MCM7: variants seen among roughly 807,000 people sequenced by gnomAD.
The protein encoded by MCM7 is DNA replication licensing factor MCM7.
MCM7 carries 95 observed loss-of-function variants against 83.5 expected under a neutral mutation model. The ratio of observed to expected loss-of-function variants is 1.14; its 90% CI spans 0.96 to 1.35. MCM7 has a LOEUF of 1.35. Ranked by LOEUF, MCM7 falls within the 40% of genes most tolerant of loss-of-function variation. MCM7 has a pLI of 0.00. For synonymous variants in MCM7, 461 were observed against 352.7 expected (o/e 1.31, Z -3.44); for missense variants, 1,087 against 957.4 (o/e 1.14, Z -1.79).
chr7:100,094,303 A>G lies in MCM7; in HGVS notation c.1718T>C (p.Val573Ala). Residue 573 changes from valine (V) to alanine (A), a missense_variant, in exon 13 of 15, where the codon GTG becomes GCG. Coordinates refer to ENST00000303887, the MANE Select transcript of MCM7 (RefSeq NM_005916.5). Reference protein sequence around the residue: ...IAMCREKQPMVPESLADYITA... With the variant: ...IAMCREKQPMAPESLADYITA... Reference sequence around the variant, plus strand: ...GATGTAGTCAGCCAGAGACTCTGGCACCATGGGCTGCTTCTCGCGGCACAT... The same window carrying G: ...GATGTAGTCAGCCAGAGACTCTGGCGCCATGGGCTGCTTCTCGCGGCACAT... 1 of 1,614,184 alleles carries G rather than the reference A, an allele frequency of 6.2e-7. No individual in the cohort carries two copies. Among genetic ancestry groups the G allele is most frequent in the Non-Finnish European group, 8.5e-7 (1 of 1,180,028 alleles).
intron 13 of MCM7, chr7:100,093,744 G>A (rs756624677): frequency 9.5e-6 from 6 of 630,772 alleles, no homozygotes; most frequent in African/African-American, 1.8e-5. Context: ...CAGCCAAGAA[G>A]ACAATTGGCA....
At chr7:100,097,164 C>A in intron 10 of MCM7, 137 bp downstream of exon 10, 2 of 760,830 alleles carry the variant, frequency 2.6e-6, no homozygotes, top group Non-Finnish European at 2.1e-6. Flanking sequence ...AAATCCTCGC[C>A]TCAAATGATT....
intron 13 of MCM7, 155 bp from the exon 14 acceptor site, chr7:100,093,556 G>T: frequency 1.2e-6 from 1 of 805,366 alleles, no homozygotes. Flanking sequence ...CATCCGCAGT[G>T]TTGGGCCGGC....
intron 9 of MCM7, 64 bp from the exon 10 acceptor site, chr7:100,097,448 A>G: frequency 6.3e-7 from 1 of 1,593,154 alleles, no homozygotes; most frequent in Non-Finnish European, 8.6e-7. Flanking sequence ...CAACAGAGCA[A>G]TTTTGAGTTC....
rs1212827577 is a variant in MCM7, at chr7:100,093,323, A to G, written c.1927T>C (p.Ser643Pro). The G allele has an allele frequency of 1.2e-6, 2 of 1,614,050 alleles. No homozygotes were observed. Among genetic ancestry groups the G allele is most frequent in the Admixed American group, 3.3e-5 (2 of 60,030 alleles). ...AIRLMEMSKD[S>P]LLGDKGQTAR... ...GTCTGCCCCTTGTCTCCTAGAAGAG[A>G]GTCCTTTGACATCTCCATTAGCCTG... is the stretch of plus-strand genomic sequence containing the variant. The change falls in exon 14 of 15, where the codon TCT becomes CCT. Residue 643 changes from serine (S) to proline (P), a missense_variant. Ser to Pro is a moderately conservative substitution (Grantham distance 74). Coordinates refer to ENST00000303887, the MANE Select transcript of MCM7 (RefSeq NM_005916.5).
At position 100,095,568 on chromosome 7, in the gene MCM7, G is replaced by A. The variant is rs779397570; in HGVS notation, c.1596-98C>T. On this transcript the variant is annotated intron_variant, in intron 11 of 14. Transcript: ENST00000303887. ...TTTGGCTCTGCCACTTCCTCACAGT[G>A]TAGGAGGGACAAGCTTTCCCGGGAA... 3.4e-5 allele frequency: 45 copies of A among 1,326,338 alleles called. No individual in the cohort carries two copies. The South Asian group carries it at 5.9e-4, about 17-fold the overall frequency. The allele number at this position is 1,326,338 out of a possible 1,614,324, so 82.2% of individuals were successfully genotyped here.
rs1795752716 is a variant in MCM7 at position 100,098,288 on chromosome 7, A to G, written c.723T>C (p.Ser241=). ...GGATATTTCCCACAGGCACCTGATC[A>G]CTCTAGGGGAGGGAAAGGCACATAA... ...KFQEMKMQEH[S]DQVPVGNIPR... The change falls in exon 7 of 15, where the codon AGT becomes AGC. Residue 241 remains serine, a splice_region_variant and synonymous_variant. Coordinates refer to ENST00000303887, the MANE Select transcript of MCM7 (RefSeq NM_005916.5). 5 of 1,613,644 alleles carry G rather than the reference A, an allele frequency of 3.1e-6. No individual in the cohort carries two copies. The highest frequency in any genetic ancestry group is 1.3e-5 in the African/African-American group (1 of 74,906).
rs1562894528 is a variant in MCM7 at position 100,095,813 on chromosome 7, CAG to C, written c.1554_1555del (p.Trp519AlafsTer11). The C allele has an allele frequency of 3.1e-6, 5 of 1,603,546 alleles. No homozygotes were observed. The highest frequency in any genetic ancestry group is 4.3e-6 in the Non-Finnish European group (5 of 1,175,554). On this transcript the variant is annotated frameshift_variant, in exon 11 of 15. Transcript: ENST00000303887. LOFTEE classifies it high-confidence loss of function. ...TCGGTCGGGCCGGTCCTGAATCAGCCAGAGGAGGTCAAACCGGGAGAGCAGTG... is the reference window on the plus strand; with the variant it reads ...TCGGTCGGGCCGGTCCTGAATCAGCCAGGAGGTCAAACCGGGAGAGCAGTG...
At chr7:100,100,749 C>T in intron 1 of MCM7, 4 of 992,298 alleles carry the variant, frequency 4.0e-6, no homozygotes, top group Non-Finnish European at 4.8e-6. Context: ...ACACTGTTTA[C>T]ACGACACTCC....
intron 3 of MCM7, 47 bp downstream of exon 3, chr7:100,099,542 G>C: frequency 6.2e-7 from 1 of 1,605,894 alleles, no homozygotes; most frequent in Non-Finnish European, 8.5e-7. Flanking sequence ...CTCTACAGAA[G>C]CTTAAACGCC....
chr7:100,093,159 G>C (rs756873577), intron 14 of MCM7, 26 bp from the exon 15 acceptor site: 3 of 1,611,252 alleles, frequency 1.9e-6, no homozygotes, highest in East Asian at 4.5e-5. Flanking sequence ...GGGTGTGTAA[G>C]GTCAGGATAC....
At chr7:100,097,266 A>G in intron 10 of MCM7, 35 bp downstream of exon 10, 1 of 1,580,984 alleles carries the variant, frequency 6.3e-7, no homozygotes. Flanking sequence ...CCTGTCTGTC[A>G]CTATATTCAC....
In MCM7 at chr7:100,098,213, C is replaced by T. The variant is rs1200489882; in HGVS notation, c.798G>A (p.Gln266=). ...CAGTGACGCTGACGTGGTCTCCAGG[C>T]TGGGCAATCCTTGTGTTCTCTCCTT... ...LVEGENTRIA[Q]PGDHVSVTGI... The change falls in exon 7 of 15, where the codon CAG becomes CAA. Residue 266 remains glutamine (Q), a synonymous_variant. Coordinates refer to ENST00000303887, the MANE Select transcript of MCM7 (RefSeq NM_005916.5). 6.2e-7 allele frequency: 1 copy of T among 1,614,138 alleles called. No individual in the cohort carries two copies. Among genetic ancestry groups the T allele is most frequent in the Admixed American group, 1.7e-5 (1 of 60,010 alleles).
intron 6 of MCM7, 58 bp from the exon 7 acceptor site, chr7:100,098,348 T>TC (rs1795756606): frequency 6.3e-7 from 1 of 1,581,872 alleles, no homozygotes; most frequent in Non-Finnish European, 8.6e-7. Flanking sequence ...CAACCTTCCC[T>TC]CCCTAGGCAT....
rs1052897258 is a variant in MCM7 at position 100,099,607 on chromosome 7, A to C, written c.258T>G (p.Pro86=). The change falls in exon 3 of 15, where the codon CCT becomes CCG. Residue 86 remains proline, a synonymous_variant. Coordinates refer to ENST00000303887, the MANE Select transcript of MCM7 (RefSeq NM_005916.5). ...LFADAVQELL[P]QYKEREVVNK... is the part of the protein sequence containing the mutation. ...CACTCACTTCCCTCTCCTTGTACTG[A>C]GGCAGCAGCTCTTGTACGGCATCAG... 1 of 1,613,890 alleles carries C rather than the reference A, an allele frequency of 6.2e-7. No individual in the cohort carries two copies. The highest frequency in any genetic ancestry group is 1.3e-5 in the African/African-American group (1 of 74,898).
At chr7:100,094,079 G>C (rs1369881212) in intron 13 of MCM7, 94 bp downstream of exon 13, 2 of 1,493,922 alleles carry the variant, frequency 1.3e-6, no homozygotes, top group Non-Finnish European at 9.3e-7. Context: ...GGCAGGGCTG[G>C]AGCGGGAGGT....
intron 1 of MCM7, chr7:100,100,743 T>G: frequency 1.0e-6 from 1 of 989,194 alleles, no homozygotes; most frequent in Middle Eastern, 5.2e-4. Flanking sequence ...GGAAGGACAC[T>G]GTTTACACGA....
intron 5 of MCM7, 143 bp from the exon 6 acceptor site, chr7:100,098,858 A>C: frequency 1.5e-6 from 2 of 1,365,342 alleles, no homozygotes; most frequent in Non-Finnish European, 2.0e-6. Context: ...GTCAACAACA[A>C]ACACCCAGAA....
chr7:100,100,022 T>A lies in MCM7; in HGVS notation c.103A>T (p.Asn35Tyr). 6.2e-7 allele frequency: 1 copy of A among 1,614,028 alleles called. No individual in the cohort carries two copies. Among genetic ancestry groups the A allele is most frequent in the East Asian group, 2.2e-5 (1 of 44,870 alleles). Residue 35 changes from asparagine (N) to tyrosine (Y), a missense_variant, in exon 2 of 15, where the codon AAC becomes TAC. Transcript: ENST00000303887. ...CCCAATCTTAGACTTACCAACTGGT[T>A]CCCATACTTGAACTGCTTCTTCCCG... The part of the protein sequence containing the change: ...ELGKKQFKYG[N>Y]QLVRLAHREQ...
Sources: gnomAD v4.1 joint callset for allele counts on GRCh38, gnomAD v4.1.1 for gene constraint, MANE v1.5 for transcripts, NCBI Gene and HGNC (gene_info 2026-07-23, HGNC 2026-07-21) for gene names.